Variants in SEMA4F observed in about 807,000 individuals in gnomAD.
SEMA4F encodes semaphorin-4F.
Under a neutral mutation model 78.4 loss-of-function variants are expected in SEMA4F, and 51 were observed. The observed-to-expected ratio is 0.65, with a 90% CI of 0.52 to 0.82. The LOEUF is 0.82. Ranked by LOEUF, SEMA4F falls within the 40% of genes least tolerant of loss-of-function variation. The probability of loss-of-function intolerance (pLI) is 0.00; values close to 1 mark genes in which losing one functional copy is unlikely to be tolerated. For synonymous variants in SEMA4F, 418 were observed against 408.7 expected (o/e 1.02, Z -0.27); for missense variants, 938 against 1,014.4 (o/e 0.92, Z 1.02).
rs1328976785 is a variant in SEMA4F, at chr2:74,679,610, G to C, written c.1714G>C (p.Val572Leu). 1 of 1,602,564 alleles carries C rather than the reference G, an allele frequency of 6.2e-7. No individual in the cohort carries two copies. Among genetic ancestry groups the C allele is most frequent in the Non-Finnish European group, 8.5e-7 (1 of 1,173,594 alleles). ...GCTGTTTCTCACAGAACGTCCAGTA[G>C]TGTTTGAAGTTCCCGTGGCTACAGC... ...CPKEPGERPV[V>L]FEVPVATAAH... is the part of the protein sequence containing the mutation. The change falls in exon 14 of 14, where the codon GTG becomes CTG. Residue 572 changes from valine to leucine, a missense_variant. Val to Leu is a conservative substitution (Grantham distance 32, BLOSUM62 1). Coordinates refer to ENST00000357877, the MANE Select transcript of SEMA4F (RefSeq NM_004263.5).
At chr2:74,659,378 T>G (rs1684322082) in intron 4 of SEMA4F, among the ~76,000 whole-genome samples, 1 of 152,234 alleles carries the variant, frequency 6.6e-6, no homozygotes, top group Non-Finnish European at 1.5e-5. Context: ...GAGGTGGGAC[T>G]CTAGTGGTTG....
chr2:74,680,024 A>C lies in SEMA4F; in HGVS notation c.2128A>C (p.Thr710Pro), dbSNP rs377233320. Residue 710 changes from threonine (T) to proline (P), a missense_variant, in exon 14 of 14, where the codon ACA becomes CCA. By Grantham distance (38) the Thr-to-Pro change is conservative. Coordinates refer to ENST00000357877, the MANE Select transcript of SEMA4F (RefSeq NM_004263.5). ...CCTGGGGGCTCCACCTTCTGGGACCACAAGCTACAGCCAAGACCCTCCCTC... is the reference window on the plus strand; with the variant it reads ...CCTGGGGGCTCCACCTTCTGGGACCCCAAGCTACAGCCAAGACCCTCCCTC... Reference protein sequence around the residue: ...LDLGAPPSGTTSYSQDPPSPS... With the variant: ...LDLGAPPSGTPSYSQDPPSPS... 72 of 1,614,058 alleles carry C rather than the reference A, an allele frequency of 4.5e-5. No homozygotes were observed. The highest frequency in any genetic ancestry group is 5.8e-5 in the Non-Finnish European group (68 of 1,180,034).
intron 1 of SEMA4F, among the ~76,000 whole-genome samples, chr2:74,654,737 G>A (rs1395790709): frequency 6.6e-6 from 1 of 152,146 alleles, no homozygotes; most frequent in Non-Finnish European, 1.5e-5. Context: ...TCCCCAGCCC[G>A]GGCCTCGCGC....
chr2:74,690,331 CT>C, the SEMA4F span, among the ~76,000 whole-genome samples: 1 of 152,144 alleles, frequency 6.6e-6, no homozygotes, highest in African/African-American at 2.4e-5. Flanking sequence ...ATGGTCACCC[CT>C]GATGAGGGGT....
rs762702089 is a variant in SEMA4F, at chr2:74,683,378, T to C, written c.*3169T>C. 6.6e-6 allele frequency: 1 copy of C among 152,242 alleles called. No homozygotes were observed. The highest frequency in any genetic ancestry group is 1.5e-5 in the Non-Finnish European group (1 of 68,048). 9.4% of individuals were successfully genotyped at this position (152,242 alleles called of 1,614,324 possible). The stretch of plus-strand genomic sequence containing the variant: ...CACTCTCAAGACACACTTAAGTGTG[T>C]TTGATACGTAAGCTCCAATTCCTTC... On this transcript the variant is annotated 3_prime_UTR_variant, in exon 14 of 14. Coordinates refer to ENST00000357877, the MANE Select transcript of SEMA4F (RefSeq NM_004263.5).
intron 5 of SEMA4F, among the ~76,000 whole-genome samples, chr2:74,664,785 G>A: frequency 6.6e-6 from 1 of 152,128 alleles, no homozygotes; most frequent in Non-Finnish European, 1.5e-5. Flanking sequence ...CTCTGCTCAT[G>A]TTCTTGGACC....
Position 74,666,796 on chromosome 2 carries a change from TA to T in SEMA4F, c.550+3972del, listed in dbSNP as rs1314972191. On this transcript the variant is annotated intron_variant, in intron 5 of 13. Coordinates refer to ENST00000357877, the MANE Select transcript of SEMA4F (RefSeq NM_004263.5). Reference sequence around the variant, plus strand: ...TCTGTAAAAATGTCCTTAAAGATAATAGCAGTATTTTGAAATGAAAAGAGCT... The same window carrying T: ...TCTGTAAAAATGTCCTTAAAGATAATGCAGTATTTTGAAATGAAAAGAGCT... Among the ~76,000 whole-genome samples, 49 of 152,266 alleles carry T rather than the reference TA, an allele frequency of 3.2e-4. 1 individual carries two copies. Among genetic ancestry groups the T allele is most frequent in the Non-Finnish European group, 8.8e-5 (6 of 68,014 alleles).
chr2:74,679,722 C>G lies in SEMA4F; in HGVS notation c.1826C>G (p.Pro609Arg), dbSNP rs766621661. Reference protein sequence around the residue: ...HQPSGVTALTPRRDGLEVVVT... With the variant: ...HQPSGVTALTRRRDGLEVVVT... ...CCCAGTGGAGTGACTGCACTCACCC[C>G]CCGGCGGGATGGACTGGAGGTGGTG... The change falls in exon 14 of 14, where the codon CCC (proline) becomes CGC (arginine). Residue 609 changes from proline to arginine, a missense_variant. Coordinates refer to ENST00000357877, the MANE Select transcript of SEMA4F (RefSeq NM_004263.5). 3.7e-6 allele frequency: 6 copies of G among 1,614,162 alleles called. No individual in the cohort carries two copies. Among genetic ancestry groups the G allele is most frequent in the South Asian group, 1.1e-5 (1 of 91,080 alleles).
At chr2:74,705,737 AT>A in the SEMA4F span, among the ~76,000 whole-genome samples, 1 of 151,580 alleles carries the variant, frequency 6.6e-6, no homozygotes. Context: ...CTAATTTTTA[AT>A]TTTTTTTGTA....
the SEMA4F span, among the ~76,000 whole-genome samples, chr2:74,689,235 T>C: frequency 4.6e-5 from 7 of 152,166 alleles, no homozygotes; most frequent in Non-Finnish European, 5.9e-5. Flanking sequence ...GTGAGACATA[T>C]ACATGCCTCA....
intron 5 of SEMA4F, among the ~76,000 whole-genome samples, chr2:74,671,887 A>G (rs1685007534): frequency 6.6e-6 from 1 of 152,194 alleles, no homozygotes; most frequent in African/African-American, 2.4e-5. Flanking sequence ...TCTCATGTTC[A>G]GTGGATGAAT....
the SEMA4F span, among the ~76,000 whole-genome samples, chr2:74,709,197 C>A: frequency 1.3e-5 from 2 of 152,176 alleles, no homozygotes; most frequent in Admixed American, 1.3e-4. Flanking sequence ...CATAATCAAA[C>A]TTCTGTAAAA....
At chr2:74,699,047 C>T in the SEMA4F span, among the ~76,000 whole-genome samples, 1 of 152,082 alleles carries the variant, frequency 6.6e-6, no homozygotes, top group Non-Finnish European at 1.5e-5. Flanking sequence ...CTCCTGGCCT[C>T]ATGTGATCCT....
intron 5 of SEMA4F, among the ~76,000 whole-genome samples, chr2:74,670,540 T>C (rs987442000): frequency 2.0e-5 from 3 of 152,250 alleles, no homozygotes; most frequent in African/African-American, 7.2e-5. Flanking sequence ...TACTGCTGTG[T>C]CTTTGCATGG....
intron 4 of SEMA4F, among the ~76,000 whole-genome samples, chr2:74,660,032 A>G (rs1310526576): frequency 6.6e-6 from 1 of 152,200 alleles, no homozygotes; most frequent in African/African-American, 2.4e-5. Context: ...AAAATGTTAG[A>G]CTTCTAACAA....
intron 4 of SEMA4F, among the ~76,000 whole-genome samples, chr2:74,659,074 A>C (rs1254579026): frequency 1.3e-5 from 2 of 152,176 alleles, no homozygotes; most frequent in Non-Finnish European, 2.9e-5. Flanking sequence ...TTCATAATGC[A>C]GGTGATACAC....
chr2:74,706,684 T>G, the SEMA4F span, among the ~76,000 whole-genome samples: 42,767 of 152,164 alleles, frequency 0.28, 9,010 homozygotes, highest in East Asian at 0.82. Flanking sequence ...CGAGGTTTGT[T>G]GATTCATATT....
intron 5 of SEMA4F, among the ~76,000 whole-genome samples, chr2:74,665,688 A>G (rs1055620333): frequency 6.6e-6 from 1 of 152,144 alleles, no homozygotes; most frequent in Non-Finnish European, 1.5e-5. Flanking sequence ...GACCTTCCTT[A>G]TACATGTTTG....
downstream of SEMA4F, among the ~76,000 whole-genome samples, chr2:74,688,358 T>G (rs574803583): frequency 6.6e-6 from 1 of 152,288 alleles, no homozygotes; most frequent in Non-Finnish European, 1.5e-5. Context: ...ACGTAACTTC[T>G]GTACAACCAA....
Sources: gnomAD v4.1 joint callset for allele counts (sites outside exome capture counted in the v4.1 genomes callset) on GRCh38, gnomAD v4.1.1 for gene constraint, MANE v1.5 for transcripts, NCBI Gene and HGNC (gene_info 2026-07-23, HGNC 2026-07-21) for gene names.